The following HMGCLL1 variants were observed in gnomAD, a reference collection of about 807,000 sequenced individuals.
HMGCLL1 encodes the protein 3-hydroxymethyl-3-methylglutaryl-CoA lyase, cytoplasmic.
Under a neutral mutation model 39.1 loss-of-function variants are expected in HMGCLL1, and 36 were observed. The ratio of observed to expected loss-of-function variants is 0.92; its 90% CI spans 0.71 to 1.22. The LOEUF (loss-of-function observed/expected upper bound fraction) is 1.22. Among genes scored for constraint, HMGCLL1 ranks in the 50% most tolerant of loss-of-function variants. The pLI is 0.00. For synonymous variants in HMGCLL1, 149 were observed against 144.0 expected (o/e 1.03, Z -0.25); for missense variants, 451 against 416.5 (o/e 1.08, Z -0.72).
chr6:55,473,833 C>A (rs950950594), intron 7 of HMGCLL1, among the ~76,000 whole-genome samples: 3 of 151,216 alleles, frequency 2.0e-5, no homozygotes, highest in Non-Finnish European at 3.0e-5. Flanking sequence ...CTGAAAAAGT[C>A]TTTGTTTCTA....
chr6:55,522,269 G>T (rs1768079825), intron 3 of HMGCLL1, among the ~76,000 whole-genome samples: 1 of 151,886 alleles, frequency 6.6e-6, no homozygotes, highest in African/African-American at 2.4e-5. Flanking sequence ...ACTCCAAAAA[G>T]TTATAGGGTG....
chr6:55,562,841 A>G (rs923256936), intron 1 of HMGCLL1, among the ~76,000 whole-genome samples: 1 of 151,888 alleles, frequency 6.6e-6, no homozygotes, highest in Non-Finnish European at 1.5e-5. Context: ...CATTATACCA[A>G]TCTCATACAC....
the HMGCLL1 span, among the ~76,000 whole-genome samples, chr6:55,588,540 G>C: frequency 6.6e-6 from 1 of 152,024 alleles, no homozygotes; most frequent in Non-Finnish European, 1.5e-5. Context: ...CAGAAGGCAA[G>C]AAATAACAAA....
chr6:55,538,989 C>A (rs1043272880), intron 3 of HMGCLL1, among the ~76,000 whole-genome samples: 1 of 152,120 alleles, frequency 6.6e-6, no homozygotes, highest in African/African-American at 2.4e-5. Flanking sequence ...AAATGTAATA[C>A]AATTAAAAAG....
At chr6:55,594,466 C>T in the HMGCLL1 span, among the ~76,000 whole-genome samples, 3 of 152,210 alleles carry the variant, frequency 2.0e-5, no homozygotes, top group Non-Finnish European at 4.4e-5. Flanking sequence ...GTACTTCCAG[C>T]TTCTGCCACA....
At chr6:55,466,862 T>C (rs1764816672) in intron 7 of HMGCLL1, among the ~76,000 whole-genome samples, 1 of 152,106 alleles carries the variant, frequency 6.6e-6, no homozygotes, top group Admixed American at 6.6e-5. Flanking sequence ...CTTAAAACTC[T>C]TGTGGTCCTC....
the HMGCLL1 span, among the ~76,000 whole-genome samples, chr6:55,655,924 G>A: frequency 6.6e-6 from 1 of 151,708 alleles, no homozygotes; most frequent in African/African-American, 2.4e-5. Context: ...TTACACATTG[G>A]TCATCCCTTG....
the HMGCLL1 span, among the ~76,000 whole-genome samples, chr6:55,607,918 T>A: frequency 6.6e-6 from 1 of 152,174 alleles, no homozygotes; most frequent in Admixed American, 6.5e-5. Context: ...GACACATCTA[T>A]AAGATGAAAG....
chr6:55,614,462 A>C, the HMGCLL1 span, among the ~76,000 whole-genome samples: 1 of 152,250 alleles, frequency 6.6e-6, no homozygotes, highest in East Asian at 1.9e-4. Flanking sequence ...TATGAGAAAT[A>C]AATGTCTATT....
At chr6:55,673,672 C>G in the HMGCLL1 span, among the ~76,000 whole-genome samples, 1 of 151,792 alleles carries the variant, frequency 6.6e-6, no homozygotes, top group Non-Finnish European at 1.5e-5. Context: ...TGCATAATAG[C>G]AAACTATTTT....
At chr6:55,463,793 T>C (rs1764686248) in intron 7 of HMGCLL1, among the ~76,000 whole-genome samples, 1 of 152,200 alleles carries the variant, frequency 6.6e-6, no homozygotes, top group Admixed American at 6.5e-5. Flanking sequence ...CACGTATTCC[T>C]GCTTTCCTGA....
At chr6:55,522,449 A>C (rs1768087769) in intron 3 of HMGCLL1, among the ~76,000 whole-genome samples, 1 of 152,024 alleles carries the variant, frequency 6.6e-6, no homozygotes, top group East Asian at 1.9e-4. Flanking sequence ...GTTCCAACTG[A>C]TAACATGCAA....
intron 8 of HMGCLL1, among the ~76,000 whole-genome samples, chr6:55,437,787 C>A (rs905155195): frequency 2.0e-5 from 3 of 151,922 alleles, no homozygotes; most frequent in Non-Finnish European, 4.4e-5. Context: ...CTGGAGCCAG[C>A]GACCAGTATA....
the HMGCLL1 span, among the ~76,000 whole-genome samples, chr6:55,646,223 C>T: frequency 6.6e-6 from 1 of 151,722 alleles, no homozygotes; most frequent in Non-Finnish European, 1.5e-5. Flanking sequence ...TTGATTTCTG[C>T]AGTATTAGGT....
intron 7 of HMGCLL1, among the ~76,000 whole-genome samples, chr6:55,485,911 A>G (rs1056975979): frequency 2.0e-5 from 3 of 151,720 alleles, no homozygotes; most frequent in Non-Finnish European, 4.4e-5. Context: ...TAATGATCTG[A>G]TATTTTCCCT....
the HMGCLL1 span, among the ~76,000 whole-genome samples, chr6:55,646,532 C>T: frequency 1.8e-3 from 270 of 151,898 alleles, 5 homozygotes; most frequent in East Asian, 0.05. Context: ...GTGCTTACAA[C>T]TATAAATTTC....
At chr6:55,545,490 CAGTGACAGA>C (rs1769912994) in intron 1 of HMGCLL1, among the ~76,000 whole-genome samples, 1 of 152,036 alleles carries the variant, frequency 6.6e-6, no homozygotes, top group Non-Finnish European at 1.5e-5. Context: ...TGAATTAAGC[CAGTGACAGA>C]AGTGACAGAA....
intron 1 of HMGCLL1, among the ~76,000 whole-genome samples, chr6:55,571,119 G>C (rs1028032451): frequency 6.6e-6 from 1 of 152,172 alleles, no homozygotes; most frequent in African/African-American, 2.4e-5. Flanking sequence ...GATTTGGGTT[G>C]GGGACACAGC....
At chr6:55,561,727 A>G (rs1285009755) in intron 1 of HMGCLL1, among the ~76,000 whole-genome samples, 1 of 152,216 alleles carries the variant, frequency 6.6e-6, no homozygotes, top group Non-Finnish European at 1.5e-5. Flanking sequence ...CAGCACATAT[A>G]AAAATTTAGA....
Sources: allele counts gnomAD v4.1 joint callset (sites outside exome capture counted in the v4.1 genomes callset), GRCh38; gene constraint gnomAD v4.1.1; transcripts MANE v1.5; gene names NCBI Gene and HGNC (gene_info 2026-07-23, HGNC 2026-07-21).